Variants in DYNC1I1 observed in about 807,000 individuals in gnomAD.
The protein encoded by DYNC1I1 is dynein cytoplasmic 1 intermediate chain 1.
Under a neutral mutation model 86.6 loss-of-function variants are expected in DYNC1I1, and 43 were observed. The observed-to-expected ratio is 0.50, with a 90% confidence interval of 0.39 to 0.64. DYNC1I1 has a LOEUF of 0.64. Ranked by LOEUF, DYNC1I1 falls within the 30% of genes least tolerant of loss-of-function variation. DYNC1I1 has a pLI of 0.00. For synonymous variants in DYNC1I1, 262 were observed against 283.7 expected (o/e 0.92, Z 0.77); for missense variants, 604 against 788.8 (o/e 0.77, Z 2.81).
chr7:95,860,731 G>A (rs1789854292), intron 5 of DYNC1I1, among the ~76,000 whole-genome samples: 1 of 152,120 alleles, frequency 6.6e-6, no homozygotes, highest in African/African-American at 2.4e-5. Flanking sequence ...ACTGGCATTT[G>A]GTGTCTTGTG....
intron 5 of DYNC1I1, among the ~76,000 whole-genome samples, chr7:95,866,580 T>G (rs987357320): frequency 9.2e-5 from 14 of 152,188 alleles, no homozygotes; most frequent in African/African-American, 2.9e-4. Context: ...AAAATTTTAA[T>G]GAGGATAAAA....
chr7:95,970,437 G>A (rs1212525477), intron 6 of DYNC1I1, among the ~76,000 whole-genome samples: 2 of 152,132 alleles, frequency 1.3e-5, no homozygotes, highest in Non-Finnish European at 2.9e-5. Context: ...TTCATTGAGG[G>A]TCAAGCCATC....
downstream of DYNC1I1, among the ~76,000 whole-genome samples, chr7:96,101,366 G>A (rs1791133738): frequency 6.6e-6 from 1 of 152,120 alleles, no homozygotes; most frequent in Non-Finnish European, 1.5e-5. Context: ...TCCTGAGCCA[G>A]TTTTCCAATC....
chr7:95,891,356 C>T (rs992779056), intron 6 of DYNC1I1, among the ~76,000 whole-genome samples: 2 of 152,186 alleles, frequency 1.3e-5, no homozygotes, highest in African/African-American at 4.8e-5. Context: ...AAAATGTATT[C>T]AACGGTTTTG....
chr7:95,821,468 T>C (rs1795075224), intron 4 of DYNC1I1, among the ~76,000 whole-genome samples: 1 of 151,956 alleles, frequency 6.6e-6, no homozygotes, highest in African/African-American at 2.4e-5. Context: ...CTGTCTTTAT[T>C]GGAATGGAAA....
intron 5 of DYNC1I1, among the ~76,000 whole-genome samples, chr7:95,860,164 A>G (rs745732587): frequency 6.6e-6 from 1 of 151,896 alleles, no homozygotes; most frequent in Admixed American, 6.6e-5. Context: ...CCCCTCTCTT[A>G]CCTTTTATTC....
At chr7:95,964,911 T>A (rs1005604084) in intron 6 of DYNC1I1, among the ~76,000 whole-genome samples, 1 of 152,088 alleles carries the variant, frequency 6.6e-6, no homozygotes, top group Non-Finnish European at 1.5e-5. Context: ...AGCTGTGAGG[T>A]GTGAGTTCTT....
intron 6 of DYNC1I1, among the ~76,000 whole-genome samples, chr7:95,963,391 G>A (rs578215915): frequency 6.6e-6 from 1 of 152,090 alleles, no homozygotes; most frequent in South Asian, 2.1e-4. Context: ...ATAAAGTTTA[G>A]CCTATGCCTT....
rs567272140 is a variant in DYNC1I1, at chr7:95,852,458, C to CA, written c.375-17423dup. Among the ~76,000 whole-genome samples, 34 of 151,948 alleles carry CA rather than the reference C, an allele frequency of 2.2e-4. No individual in the cohort carries two copies. In the South Asian group the frequency reaches 6.9e-3, roughly 31 times the overall value. On this transcript the variant is annotated intron_variant, in intron 5 of 16. Transcript: ENST00000447467. Reference sequence around the variant, plus strand: ...CTTTTCAAAAACATTAATTCTTCATCAATCTTTTGTACTGTTTTTCTAGTC... The same window carrying CA: ...CTTTTCAAAAACATTAATTCTTCATCAAATCTTTTGTACTGTTTTTCTAGTC...
At chr7:96,034,313 A>G (rs903535373) in intron 12 of DYNC1I1, among the ~76,000 whole-genome samples, 2 of 152,186 alleles carry the variant, frequency 1.3e-5, no homozygotes, top group African/African-American at 4.8e-5. Context: ...CCTGAAGATT[A>G]TAAACAGACA....
chr7:95,937,333 A>G (rs967380152), intron 6 of DYNC1I1, among the ~76,000 whole-genome samples: 2 of 152,060 alleles, frequency 1.3e-5, no homozygotes, highest in Non-Finnish European at 2.9e-5. Context: ...CCACATGGAC[A>G]AAATAGGTTA....
chr7:95,865,626 A>G (rs771295671), intron 5 of DYNC1I1, among the ~76,000 whole-genome samples: 2 of 152,208 alleles, frequency 1.3e-5, no homozygotes, highest in Admixed American at 6.5e-5. Flanking sequence ...ACTGTGTATT[A>G]TGGTGGTCCT....
chr7:96,080,122 T>A (rs1790467910), intron 15 of DYNC1I1, among the ~76,000 whole-genome samples: 1 of 152,166 alleles, frequency 6.6e-6, no homozygotes. Context: ...CCGGTGACTA[T>A]GTAAAAAGAC....
intron 9 of DYNC1I1, among the ~76,000 whole-genome samples, chr7:95,993,001 G>T (rs969977839): frequency 6.6e-6 from 1 of 152,152 alleles, no homozygotes; most frequent in Non-Finnish European, 1.5e-5. Flanking sequence ...CCTAGGGTAA[G>T]TATTGGATAA....
intron 1 of DYNC1I1, among the ~76,000 whole-genome samples, chr7:95,783,494 G>A (rs750280894): frequency 1.3e-4 from 20 of 152,272 alleles, no homozygotes; most frequent in Middle Eastern, 3.4e-3. Flanking sequence ...TACCTACAAT[G>A]TGGTTATATG....
At chr7:95,796,591 A>C (rs988609440) in intron 1 of DYNC1I1, among the ~76,000 whole-genome samples, 3 of 151,674 alleles carry the variant, frequency 2.0e-5, no homozygotes, top group Non-Finnish European at 1.5e-5. Context: ...GGAATTTTTG[A>C]CTCTAACTTG....
rs542792116 is a variant in DYNC1I1, at chr7:95,948,583, A to G, written c.491-28929A>G. Among the ~76,000 whole-genome samples the G allele has an allele frequency of 3.3e-5, 5 of 152,288 alleles. No homozygotes were observed. In the East Asian group the frequency reaches 9.7e-4, roughly 29 times the overall value. On this transcript the variant is annotated intron_variant, in intron 6 of 16. Transcript: ENST00000447467. ...AACAGAAAGGAAATAAGTCAGAGGA[A>G]CTTGTCTTGGGCTGCTTCCAGGGCT...
At chr7:95,914,810 C>T (rs191777399) in intron 6 of DYNC1I1, among the ~76,000 whole-genome samples, 1 of 152,254 alleles carries the variant, frequency 6.6e-6, no homozygotes, top group African/African-American at 2.4e-5. Context: ...CAGCTGTGCC[C>T]ATCTGTGGCA....
At chr7:95,922,434 A>G (rs971947710) in intron 6 of DYNC1I1, among the ~76,000 whole-genome samples, 1 of 152,016 alleles carries the variant, frequency 6.6e-6, no homozygotes, top group Non-Finnish European at 1.5e-5. Flanking sequence ...ACCAAAACCT[A>G]TTTTGCTCGG....
Sources: allele counts gnomAD v4.1 joint callset (sites outside exome capture counted in the v4.1 genomes callset), GRCh38; gene constraint gnomAD v4.1.1; transcripts MANE v1.5; gene names NCBI Gene and HGNC (gene_info 2026-07-23, HGNC 2026-07-21).